GLOD4: variants seen among roughly 807,000 people sequenced by gnomAD.
GLOD4 encodes the protein glyoxalase domain-containing protein 4.
Under a neutral mutation model 39.1 loss-of-function variants are expected in GLOD4, and 44 were observed. The ratio of observed to expected loss-of-function variants is 1.13; its 90% CI spans 0.88 to 1.45. The LOEUF (loss-of-function observed/expected upper bound fraction) is 1.45, where lower values mean the gene tolerates loss of function less well. Among genes scored for constraint, GLOD4 ranks in the 40% most tolerant of loss-of-function variants. The pLI is 0.00. For synonymous variants in GLOD4, 145 were observed against 135.0 expected (o/e 1.07, Z -0.52); for missense variants, 405 against 366.4 (o/e 1.11, Z -0.86).
chr17:764,985 T>C (rs142338409), intron 8 of GLOD4: 12,756 of 150,618 alleles, frequency 0.085, 898 homozygotes, highest in Middle Eastern at 0.17. Context: ...CCAGCCTGGG[T>C]GACAGAGCGA....
intron 8 of GLOD4, among the ~76,000 whole-genome samples, chr17:762,364 C>T (rs56134773): frequency 0.089 from 13,490 of 152,262 alleles, 635 homozygotes; most frequent in Middle Eastern, 0.18. Flanking sequence ...GGGAGCAGGG[C>T]GCAGAGGAAG....
chr17:769,079 A>G (rs1051421253), intron 8 of GLOD4, among the ~76,000 whole-genome samples: 2 of 152,226 alleles, frequency 1.3e-5, no homozygotes, highest in African/African-American at 4.8e-5. Flanking sequence ...ACTCACTGGA[A>G]AGAAGAGACT....
chr17:772,397 G>A (rs1908134664), intron 4 of GLOD4, among the ~76,000 whole-genome samples: 1 of 151,354 alleles, frequency 6.6e-6, no homozygotes, highest in African/African-American at 2.4e-5. Flanking sequence ...CAATTTTGGA[G>A]TAGAGGAAGA....
At chr17:778,357 G>A (rs1909302586) in intron 2 of GLOD4, 2 of 419,304 alleles carry the variant, frequency 4.8e-6, no homozygotes, top group Admixed American at 4.3e-5. Context: ...ACTCCAGGTA[G>A]AGTCAGAATC....
At chr17:763,820 C>T (rs1597575138) in intron 8 of GLOD4, 1 of 152,126 alleles carries the variant, frequency 6.6e-6, no homozygotes, top group Admixed American at 6.5e-5. Flanking sequence ...GATATAACAT[C>T]GGTCTGGACA....
upstream of GLOD4, chr17:783,496 C>T (rs1283377212): frequency 3.3e-6 from 2 of 600,618 alleles, no homozygotes; most frequent in Non-Finnish European, 5.4e-6. Flanking sequence ...GCCACCATGC[C>T]CGGGTGATTT....
Position 782,218 on chromosome 17 carries a change from A to G in GLOD4, c.38T>C (p.Val13Ala). 1.9e-6 allele frequency: 3 copies of G among 1,613,472 alleles called. No homozygotes were observed. The highest frequency in any genetic ancestry group is 1.7e-5 in the Admixed American group (1 of 59,998). The change falls in exon 1 of 9, where the codon GTG (valine) becomes GCG (alanine). Residue 13 changes from valine to alanine, a missense_variant. Physicochemically the swap from Val to Ala is moderately conservative, Grantham distance 64. Transcript: ENST00000301329. Reference protein sequence around the residue: ...ARRALHFVFKVGNRFQTARFY... With the variant: ...ARRALHFVFKAGNRFQTARFY... ...ACGCGCCGTCTGGAAGCGGTTTCCC[A>G]CTTTGAATACGAAGTGCAGAGCTCT...
rs574243465 is a variant in GLOD4 at position 760,851 on chromosome 17, C to G, written c.832-613G>C. On this transcript the variant is annotated intron_variant, in intron 8 of 8. Coordinates refer to ENST00000301329, the MANE Select transcript of GLOD4 (RefSeq NM_016080.4). ...ACCTATAGTCACAGCCACTTGGAGGCTGAGGCCAGAGGATCACGTGAGCTC... is the reference window on the plus strand; with the variant it reads ...ACCTATAGTCACAGCCACTTGGAGGGTGAGGCCAGAGGATCACGTGAGCTC... Among the ~76,000 whole-genome samples the G allele has an allele frequency of 2.0e-5, 3 of 152,344 alleles. No individual in the cohort carries two copies. In the South Asian group the frequency reaches 6.2e-4, roughly 32 times the overall value.
intron 4 of GLOD4, among the ~76,000 whole-genome samples, chr17:772,859 C>G (rs590840): frequency 5.3e-5 from 8 of 151,958 alleles, no homozygotes; most frequent in South Asian, 2.1e-4. Context: ...GCCGGGCGTG[C>G]TGGCGGGCGC....
chr17:769,497 A>G (rs1157100348), intron 8 of GLOD4, among the ~76,000 whole-genome samples: 55 of 51,506 alleles, frequency 1.1e-3, no homozygotes, highest in South Asian at 3.2e-3. Context: ...ATCTCCATGC[A>G]GAGAGCTGAG....
At chr17:761,497 C>T (rs1007215643) in intron 8 of GLOD4, among the ~76,000 whole-genome samples, 1 of 152,168 alleles carries the variant, frequency 6.6e-6, no homozygotes, top group Non-Finnish European at 1.5e-5. Context: ...ATTTGGAGAA[C>T]CTAAGAAAGC....
At position 771,136 on chromosome 17, in the gene GLOD4, G is replaced by A; in HGVS notation, c.543+189C>T. 6.8e-6 allele frequency: 3 copies of A among 441,286 alleles called. No homozygotes were observed. In the South Asian group the frequency reaches 1.2e-4, roughly 18 times the overall value. 27.3% of individuals were successfully genotyped at this position (441,286 alleles called of 1,614,324 possible). On this transcript the variant is annotated intron_variant, in intron 5 of 8. Transcript: ENST00000301329. ...GAGATATATCCCCAAATATAAACAA[G>A]GTAATATCTGGGTGGTAAGGTTATC... is the stretch of plus-strand genomic sequence containing the variant.
intron 1 of GLOD4, among the ~76,000 whole-genome samples, chr17:779,319 TAAAAAAAAAAA>T (rs34487169): frequency 4.6e-5 from 2 of 43,372 alleles, no homozygotes; most frequent in African/African-American, 9.8e-5. Context: ...CATCTCAAAT[TAAAAAAAAAAA>T]AAAAAAAAAA....
chr17:775,716 C>T, intron 4 of GLOD4, 59 bp downstream of exon 4: 1 of 1,433,752 alleles, frequency 7.0e-7, no homozygotes, highest in Non-Finnish European at 9.7e-7. Context: ...GCAGCCCTCA[C>T]TCTCCTTTCA....
At chr17:766,159 A>T (rs1906506975) in intron 8 of GLOD4, among the ~76,000 whole-genome samples, 2 of 151,388 alleles carry the variant, frequency 1.3e-5, no homozygotes, top group South Asian at 4.2e-4. Context: ...TTAGCCAGGC[A>T]TGGTGGCGCA....
At chr17:772,863 C>T (rs937614633) in intron 4 of GLOD4, among the ~76,000 whole-genome samples, 14 of 152,010 alleles carry the variant, frequency 9.2e-5, no homozygotes, top group Admixed American at 6.6e-5. Context: ...GGCGTGCTGG[C>T]GGGCGCCTGT....
rs534032491 is a variant in GLOD4, at chr17:762,958, C to T, written c.832-2720G>A. 1.8e-4 allele frequency among the ~76,000 whole-genome samples: 27 copies of T among 152,112 alleles called. No individual in the cohort carries two copies. The East Asian group carries it at 5.0e-3, about 28-fold the overall frequency. On this transcript the variant is annotated intron_variant, in intron 8 of 8. Coordinates refer to ENST00000301329, the MANE Select transcript of GLOD4 (RefSeq NM_016080.4). ...TTGGGAGGCCGAGGCAGGCGGATCA[C>T]GAGGTCAGGAGATCGAGACCATCCT... is the stretch of plus-strand genomic sequence containing the variant.
upstream of GLOD4, chr17:782,415 C>G (rs1346925802): frequency 6.2e-7 from 1 of 1,613,844 alleles, no homozygotes; most frequent in Non-Finnish European, 8.5e-7. Flanking sequence ...GTTTGTCGTG[C>G]GACCGTTGCT....
intron 1 of GLOD4, 44 bp downstream of exon 1, chr17:782,122 G>A (rs1224194231): frequency 4.1e-6 from 6 of 1,466,126 alleles, no homozygotes; most frequent in East Asian, 4.6e-5. Flanking sequence ...CTCGGGCGCC[G>A]GTTCCAGCCT....
Sources: allele counts gnomAD v4.1 joint callset (sites outside exome capture counted in the v4.1 genomes callset), GRCh38; gene constraint gnomAD v4.1.1; transcripts MANE v1.5; gene names NCBI Gene and HGNC (gene_info 2026-07-23, HGNC 2026-07-21).